Variants in ATP11A observed in about 807,000 individuals in gnomAD.
ATP11A encodes the protein ATPase phospholipid transporting 11A.
In ATP11A, 81 loss-of-function variants were observed where a neutral mutation model predicts 154.4. The ratio of observed to expected loss-of-function variants is 0.52; its 90% CI spans 0.44 to 0.63. ATP11A has a LOEUF of 0.63. Among genes scored for constraint, ATP11A ranks in the 30% least tolerant of loss-of-function variants. The probability of loss-of-function intolerance (pLI) is 0.00; values close to 1 mark genes in which losing one functional copy is unlikely to be tolerated. For missense variants in ATP11A, 1,316 were observed against 1,474.3 expected, an observed-to-expected ratio of 0.89 and a Z score of 1.76; for synonymous variants, 623 against 585.9, an observed-to-expected ratio of 1.06 and a Z score of -0.91.
intron 1 of ATP11A, among the ~76,000 whole-genome samples, chr13:112,707,482 G>T (rs371726052): frequency 6.6e-6 from 1 of 151,662 alleles, no homozygotes; most frequent in Non-Finnish European, 1.5e-5. Context: ...GGTGAGGAGC[G>T]TAGTGGCCAG....
At position 112,849,145 on chromosome 13, in the gene ATP11A, G is replaced by A. The variant is rs183851736; in HGVS notation, c.1810-1892G>A. On this transcript the variant is annotated intron_variant, in intron 17 of 29. Transcript: ENST00000375645. ...TGGGATTTATGTCATGTATTGCATTGACTTTCATATGTTGACTCACTTTTG... is the reference window on the plus strand; with the variant it reads ...TGGGATTTATGTCATGTATTGCATTAACTTTCATATGTTGACTCACTTTTG... 3.3e-5 allele frequency among the ~76,000 whole-genome samples: 5 copies of A among 152,238 alleles called. No homozygotes were observed. The East Asian group carries it at 7.7e-4, about 23-fold the overall frequency.
Position 112,779,098 on chromosome 13 carries a change from A to G in ATP11A, c.40-6037A>G, listed in dbSNP as rs4998916. 1.6e-4 allele frequency among the ~76,000 whole-genome samples: 12 copies of G among 75,074 alleles called. No homozygotes were observed. In the East Asian group the frequency reaches 1.8e-3, roughly 11 times the overall value. 49.3% of individuals were successfully genotyped at this position (75,074 alleles called of 152,430 possible). ...GTAGCCCCTGGAGTGAGGAGTAGCC[A>G]CTGGAGTGAGTAGCCACTGGAGTGA... On this transcript the variant is annotated intron_variant, in intron 1 of 29. Coordinates refer to ENST00000375645, the MANE Select transcript of ATP11A (RefSeq NM_015205.3).
intron 1 of ATP11A, among the ~76,000 whole-genome samples, chr13:112,698,089 A>C (rs1236785949): frequency 6.6e-6 from 1 of 152,168 alleles, no homozygotes; most frequent in African/African-American, 2.4e-5. Context: ...GGGCGCACTC[A>C]GCAGCCTCGA....
chr13:112,874,235 GGGA>G (rs1365005815), intron 27 of ATP11A, among the ~76,000 whole-genome samples: 1 of 152,158 alleles, frequency 6.6e-6, no homozygotes, highest in Admixed American at 6.5e-5. Context: ...AGGCCCGGGC[GGGA>G]GGAGGTCCTC....
intron 29 of ATP11A, among the ~76,000 whole-genome samples, chr13:112,880,028 A>G (rs1476314230): frequency 6.6e-6 from 1 of 151,992 alleles, no homozygotes; most frequent in Non-Finnish European, 1.5e-5. Flanking sequence ...CAGACGTGCA[A>G]TTGTGCAATT....
chr13:112,859,718 TCTC>T lies in ATP11A; in HGVS notation c.2727+270_2727+272del, dbSNP rs1186583288. Among the ~76,000 whole-genome samples the T allele has an allele frequency of 6.6e-6, 1 of 152,114 alleles. No individual in the cohort carries two copies. Among genetic ancestry groups the T allele is most frequent in the Non-Finnish European group, 1.5e-5 (1 of 68,010 alleles). ...GAGATGCGGGCCAGTGATGATGTGG[TCTC>T]CTCAGGGCCCAGCAGTGCTGGGCTG... is the stretch of plus-strand genomic sequence containing the variant. On this transcript the variant is annotated intron_variant, in intron 23 of 29. Transcript: ENST00000375645. This position sits in a 1 kb window ranked among gnomAD's most constrained non-coding sequence, Gnocchi z 4.3.
chr13:112,865,097 T>C (rs1171812512), intron 25 of ATP11A, among the ~76,000 whole-genome samples: 3 of 112,646 alleles, frequency 2.7e-5, no homozygotes, highest in East Asian at 3.0e-4. Flanking sequence ...AGTAATTCAG[T>C]GCAGCCCATG....
chr13:112,858,474 C>G (rs1281973335), intron 22 of ATP11A, 184 bp downstream of exon 22: 1 of 617,774 alleles, frequency 1.6e-6, no homozygotes, highest in African/African-American at 1.8e-5. Context: ...TTGCTTTTTA[C>G]AGTTTCCATT....
intron 1 of ATP11A, among the ~76,000 whole-genome samples, chr13:112,757,939 G>C (rs1407076996): frequency 6.6e-6 from 1 of 152,208 alleles, no homozygotes; most frequent in Non-Finnish European, 1.5e-5. Flanking sequence ...GCGTGGTGGG[G>C]TTCCCAGAGA....
In ATP11A at chr13:112,824,345, T is replaced by C; in HGVS notation, c.792T>C (p.Gly264=). ...ATLKNTEKIF[G]VAIYTGMETK... ...CACCCTTGCTCTTCCTCTCTGTAGG[T>C]GTGGCTATTTACACGGGAATGGAAA... The change falls in exon 10 of 30, where the codon GGT becomes GGC. Residue 264 remains glycine (G), a splice_region_variant and synonymous_variant. Transcript: ENST00000375645. 1 of 1,613,318 alleles carries C rather than the reference T, an allele frequency of 6.2e-7. No individual in the cohort carries two copies. The highest frequency in any genetic ancestry group is 8.5e-7 in the Non-Finnish European group (1 of 1,179,254).
chr13:112,815,750 C>T (rs956096227), intron 5 of ATP11A, among the ~76,000 whole-genome samples: 4 of 152,204 alleles, frequency 2.6e-5, no homozygotes, highest in African/African-American at 4.8e-5. Context: ...GTTCATAAAA[C>T]GCCTAGATTT....
intron 1 of ATP11A, among the ~76,000 whole-genome samples, chr13:112,702,781 G>C (rs1201082696): frequency 1.3e-5 from 2 of 152,264 alleles, no homozygotes; most frequent in African/African-American, 2.4e-5. Context: ...CTTGAAGAGC[G>C]GGCGGTGTGC....
In ATP11A at chr13:112,885,585, C is replaced by T. The variant is rs1397221964; in HGVS notation, c.*3719C>T. 2.7e-5 allele frequency: 2 copies of T among 73,200 alleles called. No individual in the cohort carries two copies. The highest frequency in any genetic ancestry group is 1.2e-4 in the African/African-American group (2 of 17,340). The allele number at this position is 73,200 out of a possible 1,614,324, so 4.5% of individuals were successfully genotyped here. On this transcript the variant is annotated 3_prime_UTR_variant, in exon 30 of 30. Coordinates refer to ENST00000375645, the MANE Select transcript of ATP11A (RefSeq NM_015205.3). ...CTCCCAGACATGTAAACACACGTCTCCCACACGTGAGCTCCCACACGTACA... is the reference window on the plus strand; with the variant it reads ...CTCCCAGACATGTAAACACACGTCTTCCACACGTGAGCTCCCACACGTACA...
intron 1 of ATP11A, among the ~76,000 whole-genome samples, chr13:112,735,036 T>A (rs528947187): frequency 6.6e-4 from 100 of 152,124 alleles, no homozygotes; most frequent in Middle Eastern, 6.8e-3. Context: ...GGACTTTTTT[T>A]AAAAAAAGAA....
intron 1 of ATP11A, among the ~76,000 whole-genome samples, chr13:112,725,014 C>T (rs1889664446): frequency 6.6e-6 from 1 of 152,168 alleles, no homozygotes; most frequent in Non-Finnish European, 1.5e-5. Context: ...TTTCTTCTCC[C>T]TTGGGGTGGA....
At position 112,854,472 on chromosome 13, in the gene ATP11A, G is replaced by A. The variant is rs144709595; in HGVS notation, c.2185G>A (p.Glu729Lys). 28 of 1,612,452 alleles carry A rather than the reference G, an allele frequency of 1.7e-5. No homozygotes were observed. The highest frequency in any genetic ancestry group is 2.3e-5 in the Non-Finnish European group (27 of 1,180,032). ...EEQSLHDVLFELSKTVLRHSG... is the reference protein window; with the variant it reads ...EEQSLHDVLFKLSKTVLRHSG... Reference sequence around the variant, plus strand: ...GCAGAGCCTGCACGACGTCCTGTTCGAGCTGAGCAAGACGGTCCTGCGCCA... The same window carrying A: ...GCAGAGCCTGCACGACGTCCTGTTCAAGCTGAGCAAGACGGTCCTGCGCCA... The change falls in exon 19 of 30, where the codon GAG becomes AAG. Residue 729 changes from glutamate to lysine, a missense_variant. This residue lies in a region of ATP11A where 876 missense variants were observed against 1,006.8 expected (regional missense o/e 0.87). Coordinates refer to ENST00000375645, the MANE Select transcript of ATP11A (RefSeq NM_015205.3).
chr13:112,877,177 G>A (rs2080754667), intron 28 of ATP11A, among the ~76,000 whole-genome samples: 1 of 152,138 alleles, frequency 6.6e-6, no homozygotes. Flanking sequence ...CTGCTTATAA[G>A]AAGGTCCCAC....
In ATP11A at chr13:112,690,120, C is replaced by T. The variant is rs1884964397; in HGVS notation, c.-297C>T. On this transcript the variant is annotated 5_prime_UTR_variant, in exon 1 of 30. Coordinates refer to ENST00000375645, the MANE Select transcript of ATP11A (RefSeq NM_015205.3). The surrounding 1 kb of genome is among the most constrained non-coding windows in gnomAD (Gnocchi z 5.6). ...GCGGCCGGGGTGCTCCAGCCGAGCC[C>T]AACCGAGCGGGCGGACCGACGGGGA... Among the ~76,000 whole-genome samples, 1 of 148,410 alleles carries T rather than the reference C, an allele frequency of 6.7e-6. No individual in the cohort carries two copies. Among genetic ancestry groups the T allele is most frequent in the Non-Finnish European group, 1.5e-5 (1 of 66,460 alleles).
Position 112,819,760 on chromosome 13 carries a change from G to A in ATP11A, c.675-140G>A, listed in dbSNP as rs889109372. On this transcript the variant is annotated intron_variant, in intron 7 of 29. Transcript: ENST00000375645. Reference sequence around the variant, plus strand: ...AACAGAAAGTACGACAAGGGAAGGGGCTGGAGCGGGGCTGCTTTAGCCGCA... The same window carrying A: ...AACAGAAAGTACGACAAGGGAAGGGACTGGAGCGGGGCTGCTTTAGCCGCA... 3.6e-5 allele frequency: 29 copies of A among 809,332 alleles called. No homozygotes were observed. The African/African-American group carries it at 4.6e-4, about 13-fold the overall frequency. The allele number at this position is 809,332 out of a possible 1,614,324, so 50.1% of individuals were successfully genotyped here.
Sources: allele counts gnomAD v4.1 joint callset (sites outside exome capture counted in the v4.1 genomes callset), GRCh38; gene constraint gnomAD v4.1.1; regional missense constraint gnomAD v4.1.1; non-coding constraint Gnocchi (gnomAD v3.1); transcripts MANE v1.5; gene names NCBI Gene and HGNC (gene_info 2026-07-23, HGNC 2026-07-21).